The following MTHFD1L variants were observed in gnomAD, a reference collection of about 807,000 sequenced individuals.
MTHFD1L encodes methylenetetrahydrofolate dehydrogenase (NADP+ dependent) 1 like.
In MTHFD1L, 81 loss-of-function variants were observed where a neutral mutation model predicts 119.5. The observed-to-expected ratio is 0.68, with a 90% CI of 0.57 to 0.82. The LOEUF (loss-of-function observed/expected upper bound fraction) is 0.82, where lower values mean the gene tolerates loss of function less well. MTHFD1L is among the 40% of genes least tolerant of loss of function. The pLI, the probability that MTHFD1L is intolerant of heterozygous loss-of-function variation, is 0.00. For missense variants in MTHFD1L, 1,125 were observed against 1,253.4 expected (o/e 0.90, Z 1.55); for synonymous variants, 430 against 475.2 (o/e 0.90, Z 1.24).
At position 151,059,925 on chromosome 6, in the gene MTHFD1L, C is replaced by G. The variant is rs142422589; in HGVS notation, c.2847+22808C>G. Reference sequence around the variant, plus strand: ...GCCTGGTTCCAGACTCAAGCCCTTCCTCTAATGTAGGGCGGGTACAAGAGA... The same window carrying G: ...GCCTGGTTCCAGACTCAAGCCCTTCGTCTAATGTAGGGCGGGTACAAGAGA... On this transcript the variant is annotated intron_variant, in intron 26 of 27. Transcript: ENST00000367321. Among the ~76,000 whole-genome samples the G allele has an allele frequency of 8.5e-5, 13 of 152,304 alleles. No individual in the cohort carries two copies. In the East Asian group the frequency reaches 2.5e-3, roughly 29 times the overall value.
intron 8 of MTHFD1L, among the ~76,000 whole-genome samples, chr6:150,906,222 G>A (rs1184542884): frequency 2.0e-5 from 3 of 152,190 alleles, no homozygotes; most frequent in Non-Finnish European, 4.4e-5. Flanking sequence ...GACCCATGAA[G>A]CACATCCTTG....
chr6:150,881,192 G>A (rs1412274867), intron 4 of MTHFD1L, among the ~76,000 whole-genome samples: 2 of 152,054 alleles, frequency 1.3e-5, no homozygotes, highest in African/African-American at 2.4e-5. Flanking sequence ...TTTCCCCTGT[G>A]TTTTCTTCTA....
intron 4 of MTHFD1L, among the ~76,000 whole-genome samples, chr6:150,878,315 C>CA (rs1434928416): frequency 1.3e-5 from 2 of 151,772 alleles, no homozygotes; most frequent in Admixed American, 1.3e-4. Context: ...GCAATGGTGC[C>CA]ATCTCGGCTC....
chr6:150,878,032 G>T (rs1206340222), intron 4 of MTHFD1L, among the ~76,000 whole-genome samples: 1 of 152,188 alleles, frequency 6.6e-6, no homozygotes, highest in Admixed American at 6.5e-5. Context: ...CTGAAGACTT[G>T]AGTTGCGACT....
chr6:150,922,355 C>A (rs1789106979), intron 10 of MTHFD1L, 53 bp downstream of exon 10: 2 of 1,429,216 alleles, frequency 1.4e-6, no homozygotes, highest in Non-Finnish European at 2.0e-6. Context: ...GTGCCTTAGC[C>A]CTAGTTAGTC....
intron 26 of MTHFD1L, among the ~76,000 whole-genome samples, chr6:151,086,522 T>C (rs1158251826): frequency 6.6e-6 from 1 of 152,136 alleles, no homozygotes; most frequent in Non-Finnish European, 1.5e-5. Flanking sequence ...TACTCATCTG[T>C]TTTTTTAAAT....
intron 10 of MTHFD1L, among the ~76,000 whole-genome samples, chr6:150,923,064 G>A (rs570653255): frequency 6.2e-4 from 94 of 152,158 alleles, no homozygotes; most frequent in African/African-American, 2.0e-3. Flanking sequence ...GTATATATCC[G>A]CCTGGTGTTA....
intron 15 of MTHFD1L, among the ~76,000 whole-genome samples, chr6:150,946,219 G>T (rs1793916550): frequency 2.0e-5 from 3 of 151,992 alleles, no homozygotes; most frequent in Admixed American, 6.6e-5. Flanking sequence ...GCATGATCTT[G>T]GCTCACTGCA....
intron 14 of MTHFD1L, 136 bp downstream of exon 14, chr6:150,944,729 T>C (rs1310628820): frequency 1.5e-6 from 1 of 667,248 alleles, no homozygotes; most frequent in Non-Finnish European, 2.6e-6. Context: ...TTTTTACATA[T>C]GTCCCTGTTT....
intron 8 of MTHFD1L, among the ~76,000 whole-genome samples, chr6:150,906,872 G>A (rs1786004497): frequency 6.6e-6 from 1 of 152,220 alleles, no homozygotes; most frequent in Non-Finnish European, 1.5e-5. Context: ...GGGGGCTGGA[G>A]AGGGTGGAAT....
At chr6:150,943,717 A>G (rs1793518488) in intron 13 of MTHFD1L, among the ~76,000 whole-genome samples, 1 of 152,226 alleles carries the variant, frequency 6.6e-6, no homozygotes, top group African/African-American at 2.4e-5. Context: ...TTATAGAAAA[A>G]GTTTTGTGAA....
rs371833586 is a variant in MTHFD1L at position 151,010,932 on chromosome 6, C to T, written c.2265+974C>T. Among the ~76,000 whole-genome samples the T allele has an allele frequency of 1.3e-4, 20 of 152,290 alleles. 1 individual carries two copies. In the East Asian group the frequency reaches 1.9e-3, roughly 15 times the overall value. On this transcript the variant is annotated intron_variant, in intron 21 of 27. Transcript: ENST00000367321. ...TTTGCCATCATGAAACGCTGTAAAG[C>T]AATTCTTTCTCCTGGGAGAGGTGGA...
intron 24 of MTHFD1L, among the ~76,000 whole-genome samples, chr6:151,024,745 C>T (rs762204477): frequency 2.2e-4 from 33 of 152,324 alleles, no homozygotes; most frequent in Non-Finnish European, 3.7e-4. Context: ...CCAAGAATCA[C>T]TTGAACCTGG....
chr6:150,939,716 G>C (rs1432602742), intron 13 of MTHFD1L, among the ~76,000 whole-genome samples: 1 of 98,936 alleles, frequency 1.0e-5, no homozygotes, highest in Admixed American at 1.3e-4. Flanking sequence ...ACAGAGTTTT[G>C]CTTTGTTGCT....
chr6:150,880,643 G>A (rs1377766088), intron 4 of MTHFD1L, among the ~76,000 whole-genome samples: 5 of 152,162 alleles, frequency 3.3e-5, no homozygotes, highest in African/African-American at 1.2e-4. Flanking sequence ...TGGGTCATAT[G>A]GTAGTTGTTT....
chr6:151,032,218 G>GAAA (rs1049085919), intron 24 of MTHFD1L, among the ~76,000 whole-genome samples: 3 of 152,312 alleles, frequency 2.0e-5, no homozygotes, highest in African/African-American at 7.2e-5. Context: ...AATGGATAAA[G>GAAA]AAAAGTAGTT....
intron 11 of MTHFD1L, among the ~76,000 whole-genome samples, chr6:150,930,014 T>G (rs1252614276): frequency 6.6e-6 from 1 of 152,174 alleles, no homozygotes; most frequent in East Asian, 1.9e-4. Context: ...ACACAACAAA[T>G]GATATATTTT....
intron 20 of MTHFD1L, among the ~76,000 whole-genome samples, chr6:150,974,134 T>C (rs536723831): frequency 2.5e-4 from 38 of 152,328 alleles, no homozygotes; most frequent in Non-Finnish European, 5.1e-4. Context: ...TGCTTTCAAG[T>C]CACAGATAAC....
intron 11 of MTHFD1L, among the ~76,000 whole-genome samples, chr6:150,933,908 C>T (rs1302540710): frequency 1.3e-5 from 2 of 152,190 alleles, no homozygotes. Flanking sequence ...TGAACCACTG[C>T]ACACAGCCGG....
Sources: gnomAD v4.1 joint callset for allele counts (sites outside exome capture counted in the v4.1 genomes callset) on GRCh38, gnomAD v4.1.1 for gene constraint, MANE v1.5 for transcripts, NCBI Gene and HGNC (gene_info 2026-07-23, HGNC 2026-07-21) for gene names.